CMSS1: variants seen among roughly 807,000 people sequenced by gnomAD.
The protein encoded by CMSS1 is cms1 ribosomal small subunit homolog, also known as protein CMSS1.
A neutral mutation model predicts 43.5 loss-of-function variants in CMSS1; 33 were observed. The ratio of observed to expected loss-of-function variants is 0.76; its 90% CI spans 0.57 to 1.01. The LOEUF is 1.01. Ranked by LOEUF, CMSS1 falls within the 50% of genes least tolerant of loss-of-function variation. The pLI is 0.00. For missense variants in CMSS1, 313 were observed against 326.4 expected, an observed-to-expected ratio of 0.96 and a Z score of 0.32; for synonymous variants, 115 against 117.2, an observed-to-expected ratio of 0.98 and a Z score of 0.12.
At chr3:100,028,250 A>G (rs2064963480) in intron 1 of CMSS1, among the ~76,000 whole-genome samples, 1 of 152,180 alleles carries the variant, frequency 6.6e-6, no homozygotes, top group South Asian at 2.1e-4. Context: ...CACTGAAGCT[A>G]AGTAATTTGC....
At chr3:99,850,320 CCTTT>C in intron 1 of CMSS1, 1 of 1,613,242 alleles carries the variant, frequency 6.2e-7, no homozygotes, top group Non-Finnish European at 8.5e-7. Flanking sequence ...TTGTGGTCAT[CCTTT>C]CTTTTTCTAA....
intron 2 of CMSS1, among the ~76,000 whole-genome samples, chr3:100,153,118 C>G (rs188047319): frequency 1.2e-4 from 19 of 152,216 alleles, no homozygotes; most frequent in African/African-American, 3.9e-4. Context: ...ATAAATACAA[C>G]TATGTAATTC....
chr3:100,043,204 A>T (rs980205036), intron 1 of CMSS1, among the ~76,000 whole-genome samples: 2 of 152,232 alleles, frequency 1.3e-5, no homozygotes, highest in Non-Finnish European at 2.9e-5. Context: ...CCAGTATTTC[A>T]TTCTTTACTG....
At chr3:100,051,663 A>G (rs146459399) in intron 1 of CMSS1, among the ~76,000 whole-genome samples, 1,779 of 151,706 alleles carry the variant, frequency 0.012, 23 homozygotes, top group African/African-American at 0.026. Flanking sequence ...AGCTTCATCC[A>G]TGTCCCTACA....
chr3:100,156,303 T>TC (rs2066972687), intron 2 of CMSS1, among the ~76,000 whole-genome samples: 2 of 129,644 alleles, frequency 1.5e-5, no homozygotes, highest in Admixed American at 7.6e-5. Flanking sequence ...TTTTTTCTTT[T>TC]TTTTTTTTTT....
At chr3:100,076,433 A>T (rs906187456) in intron 1 of CMSS1, among the ~76,000 whole-genome samples, 1 of 152,206 alleles carries the variant, frequency 6.6e-6, no homozygotes, top group Non-Finnish European at 1.5e-5. Flanking sequence ...CATTGTCAGC[A>T]TGTGCTGAGC....
intron 1 of CMSS1, chr3:100,023,204 G>A (rs1011553289): frequency 6.6e-6 from 1 of 151,796 alleles, no homozygotes; most frequent in Non-Finnish European, 1.5e-5. Flanking sequence ...TATCCCCAAT[G>A]CAGTAACCCT....
rs764336102 is a variant in CMSS1 at position 99,938,070 on chromosome 3, TGTGTGC to T, written c.64+120029_64+120034del. ...CAGGAAGTGTGTGTGTGTGTGTGTG[TGTGTGC>T]GCGCGCGCGCGCGCGTGCATGCACA... On this transcript the variant is annotated intron_variant, in intron 1 of 9. Coordinates refer to ENST00000421999, the MANE Select transcript of CMSS1 (RefSeq NM_032359.4). 9.7e-3 allele frequency among the ~76,000 whole-genome samples: 940 copies of T among 96,870 alleles called. 7 individuals carry two copies. The highest frequency in any genetic ancestry group is 0.029 in the African/African-American group (686 of 23,330). The allele number at this position is 96,870 out of a possible 152,430, so 63.6% of individuals were successfully genotyped here.
intron 1 of CMSS1, among the ~76,000 whole-genome samples, chr3:100,064,395 A>G (rs994344817): frequency 7.6e-6 from 1 of 130,894 alleles, no homozygotes; most frequent in African/African-American, 2.8e-5. Flanking sequence ...CCCCCCCAAC[A>G]CCCTTTTTTT....
intron 1 of CMSS1, among the ~76,000 whole-genome samples, chr3:99,962,010 A>T (rs1176288332): frequency 2.0e-5 from 3 of 152,124 alleles, no homozygotes; most frequent in African/African-American, 7.2e-5. Context: ...AGCCTTGCTG[A>T]TTGGGGGTTA....
chr3:100,125,563 C>G (rs1406173248), intron 1 of CMSS1, among the ~76,000 whole-genome samples: 2 of 152,188 alleles, frequency 1.3e-5, no homozygotes, highest in African/African-American at 4.8e-5. Flanking sequence ...TAACTCTAAT[C>G]GCTGACCTCA....
chr3:100,017,785 C>T (rs1311311964), intron 1 of CMSS1, among the ~76,000 whole-genome samples: 2 of 152,130 alleles, frequency 1.3e-5, no homozygotes, highest in African/African-American at 4.8e-5. Flanking sequence ...AAAAGAAACA[C>T]TGGTCTTCTC....
At chr3:100,094,674 CTTTTTTTT>C (rs71132509) in intron 1 of CMSS1, among the ~76,000 whole-genome samples, 1 of 57,000 alleles carries the variant, frequency 1.8e-5, no homozygotes, top group Non-Finnish European at 3.2e-5. Flanking sequence ...GAAAAGCTGC[CTTTTTTTT>C]TTTTTTTTTT....
At chr3:100,105,773 A>G (rs1385312450) in intron 1 of CMSS1, among the ~76,000 whole-genome samples, 2 of 152,304 alleles carry the variant, frequency 1.3e-5, no homozygotes, top group Non-Finnish European at 2.9e-5. Context: ...CATGCTTCTT[A>G]CTGTTGTCAC....
intron 1 of CMSS1, among the ~76,000 whole-genome samples, chr3:99,861,194 T>C (rs1226529814): frequency 1.3e-5 from 2 of 151,854 alleles, no homozygotes; most frequent in Non-Finnish European, 2.9e-5. Context: ...ACCCCCGCCC[T>C]CCCAAAAAAA....
intron 1 of CMSS1, among the ~76,000 whole-genome samples, chr3:99,860,014 G>A (rs1477890486): frequency 6.6e-6 from 1 of 152,192 alleles, no homozygotes; most frequent in African/African-American, 2.4e-5. Flanking sequence ...AGCAAGATCA[G>A]TAGAACAGTA....
intron 2 of CMSS1, among the ~76,000 whole-genome samples, chr3:100,148,543 G>C (rs1022495797): frequency 1.3e-5 from 2 of 152,162 alleles, no homozygotes; most frequent in African/African-American, 4.8e-5. Flanking sequence ...ACTGTGAGAA[G>C]CAATTTAGTG....
intron 1 of CMSS1, among the ~76,000 whole-genome samples, chr3:100,102,435 G>A (rs1269836908): frequency 1.3e-5 from 2 of 152,158 alleles, no homozygotes; most frequent in Admixed American, 6.5e-5. Flanking sequence ...AGCCTAAGAT[G>A]TGCACAGAAG....
intron 1 of CMSS1, among the ~76,000 whole-genome samples, chr3:99,969,377 A>T (rs1473096664): frequency 7.2e-5 from 11 of 152,200 alleles, no homozygotes; most frequent in Non-Finnish European, 1.5e-4. Context: ...AATGAGTAGG[A>T]GGTTGAGCCA....
Sources: allele counts gnomAD v4.1 joint callset (sites outside exome capture counted in the v4.1 genomes callset), GRCh38; gene constraint gnomAD v4.1.1; transcripts MANE v1.5; gene names NCBI Gene and HGNC (gene_info 2026-07-23, HGNC 2026-07-21).